Variants in ADGRG4 observed in about 807,000 individuals in gnomAD.
ADGRG4 encodes the protein adhesion G protein-coupled receptor G4.
In ADGRG4, 122 loss-of-function variants were observed where a neutral mutation model predicts 126.2. The ratio of observed to expected loss-of-function variants is 0.97; its 90% CI spans 0.83 to 1.12. ADGRG4 has a LOEUF of 1.12. Ranked by LOEUF, ADGRG4 falls within the 50% of genes most tolerant of loss-of-function variation. ADGRG4 has a pLI of 0.00. For missense variants in ADGRG4, 2,481 were observed against 2,251.8 expected (o/e 1.10, Z -2.06); for synonymous variants, 943 against 838.7 (o/e 1.12, Z -2.15).
intron 15 of ADGRG4, among the ~76,000 whole-genome samples, chrX:136,382,663 G>A (rs1279288922): frequency 1.8e-5 from 2 of 111,681 alleles, no homozygotes; most frequent in East Asian, 2.8e-4. Flanking sequence ...TCTAAGAGAT[G>A]CCCTAGTGGA....
rs755259817 is a variant in ADGRG4 at position 136,350,282 on chromosome X, AT to A, written c.6579del (p.Pro2194HisfsTer7). 7 of 1,208,627 alleles carry A rather than the reference AT, an allele frequency of 5.8e-6. No individual in the cohort carries two copies. The Admixed American group carries it at 8.8e-5, about 15-fold the overall frequency. On this transcript the variant is annotated frameshift_variant, in exon 6 of 26. Coordinates refer to ENST00000394143, the MANE Select transcript of ADGRG4 (RefSeq NM_153834.4). LOFTEE classifies it high-confidence loss of function. Reference sequence around the variant, plus strand: ...CTACATCCACTGTTCCTGGAGCCTCATTTCCACTCATATCCACTGGGGTGAC... The same window carrying A: ...CTACATCCACTGTTCCTGGAGCCTCATTCCACTCATATCCACTGGGGTGAC... ...TTTSTVPGAS[F>X]PLISTGVTYP...
At position 136,308,838 on chromosome X, in the gene ADGRG4, T is replaced by C. The variant is rs749939590; in HGVS notation, c.61T>C (p.Phe21Leu). 8.2e-6 allele frequency: 9 copies of C among 1,099,206 alleles called. No individual in the cohort carries two copies. Among genetic ancestry groups the C allele is most frequent in the Non-Finnish European group, 1.1e-5 (9 of 793,370 alleles). The allele number at this position is 1,099,206 out of a possible 1,213,427, so 90.6% of individuals were successfully genotyped here. ...ATTGATTCTCATGTCGAGTTTTATC[T>C]TTCTCTCAGGTAAGAAAATGTATTC... ...YGLILMSSFI[F>L]LSDTLSLKGK... is the part of the protein sequence containing the mutation. Residue 21 changes from phenylalanine (F) to leucine (L), a missense_variant, in exon 4 of 26, where the codon TTT becomes CTT. Coordinates refer to ENST00000394143, the MANE Select transcript of ADGRG4 (RefSeq NM_153834.4).
intron 5 of ADGRG4, among the ~76,000 whole-genome samples, chrX:136,328,372 A>G (rs1277046382): frequency 2.7e-5 from 3 of 112,190 alleles, no homozygotes; most frequent in African/African-American, 9.7e-5. Context: ...AGTTCCTCTC[A>G]AGATATGGCC....
chrX:136,363,536 A>G lies in ADGRG4; in HGVS notation c.7337A>G (p.Lys2446Arg). Residue 2446 changes from lysine (K) to arginine (R), a missense_variant, in exon 13 of 26, where the codon AAA becomes AGA. Lys to Arg is a conservative substitution (Grantham distance 26). Coordinates refer to ENST00000394143, the MANE Select transcript of ADGRG4 (RefSeq NM_153834.4). ...GAAAAGCCAAAGTTTAAACAATGCA[A>G]ATTGCTTCAAGAACTTCCTGACAAG... ...QWEKPKFKQC[K>R]LLQELPDKIV... is the part of the protein sequence containing the mutation. 1 of 1,202,515 alleles carries G rather than the reference A, an allele frequency of 8.3e-7. No homozygotes were observed. Among genetic ancestry groups the G allele is most frequent in the Non-Finnish European group, 1.1e-6 (1 of 887,196 alleles).
chrX:136,373,124 C>T, intron 15 of ADGRG4, 60 bp downstream of exon 15: 1 of 1,028,548 alleles, frequency 9.7e-7, no homozygotes, highest in East Asian at 3.1e-5. Context: ...GGTCTTCATT[C>T]ATTTACTCCT....
At position 136,356,126 on chromosome X, in the gene ADGRG4, G is replaced by T. The variant is rs2075091954; in HGVS notation, c.6888G>T (p.Arg2296Ser). The T allele has an allele frequency of 8.5e-7, 1 of 1,177,179 alleles. No individual in the cohort carries two copies. Among genetic ancestry groups the T allele is most frequent in the Non-Finnish European group, 1.2e-6 (1 of 868,030 alleles). Reference protein sequence around the residue: ...LATLETQIKSRDISEEEMVMD... With the variant: ...LATLETQIKSSDISEEEMVMD... ...TAATTTTGTAATGCTTTTGATACAG[G>T]GACATTTCAGAGGAAGAGATGGTCA... Residue 2296 changes from arginine to serine, a missense_variant and splice_region_variant, in exon 9 of 26, where the codon AGG becomes AGT. Transcript: ENST00000394143.
In ADGRG4 at chrX:136,381,281, T is replaced by C. The variant is rs752061682; in HGVS notation, c.7777-6459T>C. Among the ~76,000 whole-genome samples the C allele has an allele frequency of 3.6e-5, 4 of 111,347 alleles. No individual in the cohort carries two copies. The South Asian group carries it at 1.5e-3, about 43-fold the overall frequency. On this transcript the variant is annotated intron_variant, in intron 15 of 25. Transcript: ENST00000394143. ...TATTATTATTTTTTCAGACAGGGTC[T>C]CACTCTGTCACCTAGGCTGAAGTGC...
In ADGRG4 at chrX:136,323,371, G is replaced by A. The variant is rs973558443; in HGVS notation, c.664G>A (p.Val222Ile). The A allele has an allele frequency of 8.3e-7, 1 of 1,207,065 alleles. No individual in the cohort carries two copies. The highest frequency in any genetic ancestry group is 1.1e-6 in the Non-Finnish European group (1 of 893,857). ...VWLVNKIIPT[V>I]DRTLRCFVPE... is the part of the protein sequence containing the mutation. ...GCTTGTCAACAAGATCATCCCAACT[G>A]TTGACAGGACACTGCGCTGCTGTGA... Residue 222 changes from valine to isoleucine, a missense_variant, in exon 5 of 26, where the codon GTT (valine) becomes ATT (isoleucine). Transcript: ENST00000394143.
chrX:136,308,158 C>T (rs1288032027), intron 3 of ADGRG4, among the ~76,000 whole-genome samples: 1 of 112,891 alleles, frequency 8.9e-6, no homozygotes, highest in Non-Finnish European at 1.9e-5. Flanking sequence ...GGTTGGAGCG[C>T]AGTGGCGCAA....
At chrX:136,304,744 G>T (rs2148441469) in intron 2 of ADGRG4, 111 bp from the exon 3 acceptor site, 1 of 112,307 alleles carries the variant, frequency 8.9e-6, no homozygotes, top group South Asian at 3.7e-4. Context: ...CCCTACCAGA[G>T]CTTAGTGTTG....
rs776891434 is a variant in ADGRG4, at chrX:136,323,397, G to A, written c.685+5G>A. 18 of 1,191,478 alleles carry A rather than the reference G, an allele frequency of 1.5e-5. No individual in the cohort carries two copies. The South Asian group carries it at 3.2e-4, about 21-fold the overall frequency. ...TTGACAGGACACTGCGCTGCTGTGA[G>A]TAACTTAACAACTTTTTTCCTTAGC... On this transcript the variant is annotated splice_donor_5th_base_variant and intron_variant, in intron 5 of 25. Coordinates refer to ENST00000394143, the MANE Select transcript of ADGRG4 (RefSeq NM_153834.4).
chrX:136,386,150 T>C (rs963199609), intron 15 of ADGRG4, among the ~76,000 whole-genome samples: 1 of 112,862 alleles, frequency 8.9e-6, no homozygotes, highest in African/African-American at 3.2e-5. Context: ...CTCCAGAAAC[T>C]GTCTGCTTTT....
intron 15 of ADGRG4, among the ~76,000 whole-genome samples, chrX:136,374,737 A>G (rs918058796): frequency 8.9e-6 from 1 of 111,986 alleles, no homozygotes; most frequent in African/African-American, 3.2e-5. Flanking sequence ...GCCTGTAGGT[A>G]TATGTTTAAA....
chrX:136,371,230 C>T, intron 13 of ADGRG4, 98 bp from the exon 14 acceptor site: 1 of 508,664 alleles, frequency 2.0e-6, no homozygotes, highest in Non-Finnish European at 3.1e-6. Context: ...GGTAGGTGTT[C>T]TCATCTCACC....
chrX:136,356,244 A>C, intron 9 of ADGRG4, 79 bp downstream of exon 9: 2 of 617,679 alleles, frequency 3.2e-6, no homozygotes, highest in Non-Finnish European at 5.0e-6. Context: ...TCTTCCACCC[A>C]AGTATATATT....
At chrX:136,392,488 T>A in intron 17 of ADGRG4, 134 bp downstream of exon 17, 1 of 540,288 alleles carries the variant, frequency 1.9e-6, no homozygotes, top group Non-Finnish European at 2.9e-6. Flanking sequence ...AGGTAGCAAA[T>A]GTGTGTTATA....
chrX:136,327,464 A>AAATAATAATAATAATAATAAT (rs201257685), intron 5 of ADGRG4, among the ~76,000 whole-genome samples: 2,091 of 97,475 alleles, frequency 0.021, 22 homozygotes, highest in Middle Eastern at 0.036. Flanking sequence ...GTGGGAAATA[A>AAATAATAATAATAATAATAAT]AATAATAATA....
In ADGRG4 at chrX:136,347,603, A is replaced by G. The variant is rs1451573474; in HGVS notation, c.3897A>G (p.Thr1299=). ...CTCCATCTTTGGAAATGACAGATAC[A>G]GGATTTCCTGAGACCACAAAAATTT... ...RGTPSLEMTD[T]GFPETTKISS... Residue 1299 remains threonine, a synonymous_variant, in exon 6 of 26, where the codon ACA becomes ACG. Transcript: ENST00000394143. The G allele has an allele frequency of 2.5e-6, 3 of 1,207,046 alleles. No individual in the cohort carries two copies. The highest frequency in any genetic ancestry group is 3.4e-6 in the Non-Finnish European group (3 of 893,180).
chrX:136,364,834 T>TA lies in ADGRG4; in HGVS notation c.7396+1245dup, dbSNP rs925460798. Among the ~76,000 whole-genome samples, 16 of 111,908 alleles carry TA rather than the reference T, an allele frequency of 1.4e-4. 1 individual carries two copies. The highest frequency in any genetic ancestry group is 2.8e-4 in the Admixed American group (3 of 10,531). On this transcript the variant is annotated intron_variant, in intron 13 of 25. Coordinates refer to ENST00000394143, the MANE Select transcript of ADGRG4 (RefSeq NM_153834.4). ...GATTCAAAATAAAGAGTATCTCTTT[T>TA]AAAAAACCACTGCTTCGATGAATAT... is the stretch of plus-strand genomic sequence containing the variant.
Sources: allele counts gnomAD v4.1 joint callset (sites outside exome capture counted in the v4.1 genomes callset), GRCh38; gene constraint gnomAD v4.1.1; transcripts MANE v1.5; gene names NCBI Gene and HGNC (gene_info 2026-07-23, HGNC 2026-07-21).